Variants in VIT observed in about 807,000 individuals in gnomAD.
VIT encodes vitrin.
Under a neutral mutation model 78.0 loss-of-function variants are expected in VIT, and 99 were observed. The ratio of observed to expected loss-of-function variants is 1.27; its 90% CI spans 1.08 to 1.50. The LOEUF (loss-of-function observed/expected upper bound fraction) is 1.50, where lower values mean the gene tolerates loss of function less well. Among genes scored for constraint, VIT ranks in the 40% most tolerant of loss-of-function variants. The pLI is 0.00. For missense variants in VIT, 1,126 were observed against 875.3 expected, an observed-to-expected ratio of 1.29 and a Z score of -3.61; for synonymous variants, 374 against 334.3, an observed-to-expected ratio of 1.12 and a Z score of -1.29.
intron 4 of VIT, 145 bp downstream of exon 4, chr2:36,743,401 G>T: frequency 1.1e-6 from 1 of 941,254 alleles, no homozygotes; most frequent in Non-Finnish European, 1.5e-6. Context: ...TTTAAAAAGT[G>T]CTTTTACTGG....
chr2:36,811,703 G>A (rs537114942), intron 15 of VIT, among the ~76,000 whole-genome samples: 35 of 140,758 alleles, frequency 2.5e-4, no homozygotes, highest in South Asian at 1.6e-3. Flanking sequence ...ACGGAGTTTC[G>A]CTCTGGTTGC....
At chr2:36,700,142 G>A (rs752573554) in intron 1 of VIT, among the ~76,000 whole-genome samples, 20 of 152,056 alleles carry the variant, frequency 1.3e-4, no homozygotes, top group Non-Finnish European at 2.5e-4. Context: ...TAGATTCATG[G>A]AATTATGTGA....
intron 15 of VIT, among the ~76,000 whole-genome samples, chr2:36,812,963 G>C (rs768410295): frequency 2.1e-5 from 3 of 143,596 alleles, no homozygotes; most frequent in Non-Finnish European, 4.5e-5. Context: ...TGAGGTTCAA[G>C]TGATTCTCCT....
intron 12 of VIT, among the ~76,000 whole-genome samples, chr2:36,788,888 G>A (rs1024530816): frequency 6.6e-6 from 1 of 152,192 alleles, no homozygotes; most frequent in Non-Finnish European, 1.5e-5. Flanking sequence ...TAGTGTTGCT[G>A]ATGAGAGCAT....
chr2:36,722,434 T>C (rs1666573175), intron 2 of VIT, among the ~76,000 whole-genome samples: 1 of 152,266 alleles, frequency 6.6e-6, no homozygotes, highest in Non-Finnish European at 1.5e-5. Flanking sequence ...ATTTGAAGCA[T>C]AATTTTATGA....
intron 11 of VIT, among the ~76,000 whole-genome samples, chr2:36,785,751 G>A (rs1216155166): frequency 6.6e-6 from 1 of 152,160 alleles, no homozygotes; most frequent in Non-Finnish European, 1.5e-5. Flanking sequence ...GTGCCAGACG[G>A]GTCCCTCTCA....
chr2:36,790,921 C>T (rs201297028), intron 12 of VIT, among the ~76,000 whole-genome samples: 3 of 143,958 alleles, frequency 2.1e-5, no homozygotes, highest in Admixed American at 1.4e-4. Flanking sequence ...AACAGCCAGG[C>T]AAGCCATTAG....
At position 36,814,458 on chromosome 2, in the gene VIT, T is replaced by TGG; in HGVS notation, c.*99_*100dup. 7.1e-7 allele frequency: 1 copy of TGG among 1,416,350 alleles called. No homozygotes were observed. Among genetic ancestry groups the TGG allele is most frequent in the East Asian group, 2.3e-5 (1 of 42,926 alleles). The allele number at this position is 1,416,350 out of a possible 1,614,324, so 87.7% of individuals were successfully genotyped here. A position where few individuals can be genotyped will look rare whatever the true frequency, so the allele number is the denominator to read the frequency against. On this transcript the variant is annotated 3_prime_UTR_variant, in exon 16 of 16. Transcript: ENST00000379242. ...GGGGCACGCACGGTGCATCAAGTCT[T>TGG]GGGCAGGGCATGGAGAAACAAATGT...
intron 3 of VIT, among the ~76,000 whole-genome samples, chr2:36,741,707 C>T (rs1305051577): frequency 6.6e-6 from 1 of 152,100 alleles, no homozygotes; most frequent in East Asian, 1.9e-4. Flanking sequence ...AGACTCTTAG[C>T]ATTGGGAGAG....
At chr2:36,778,516 T>G (rs961222328) in intron 9 of VIT, among the ~76,000 whole-genome samples, 1 of 152,060 alleles carries the variant, frequency 6.6e-6, no homozygotes, top group Non-Finnish European at 1.5e-5. Flanking sequence ...AACCATGGAG[T>G]TAATGTTTCC....
chr2:36,728,136 G>T (rs1297049665), intron 2 of VIT, among the ~76,000 whole-genome samples: 2 of 151,918 alleles, frequency 1.3e-5, no homozygotes, highest in Non-Finnish European at 2.9e-5. Flanking sequence ...TCACCATGTT[G>T]GCCACACTCG....
rs1484697635 is a variant in VIT, at chr2:36,766,768, A to C, written c.488-326A>C. ...AATCAGCAAAAAACAAAAACAAAAA[A>C]AAATGTACATAAACCATTGCTAGTG... On this transcript the variant is annotated intron_variant, in intron 6 of 15. Coordinates refer to ENST00000379242, the MANE Select transcript of VIT (RefSeq NM_053276.4). Among the ~76,000 whole-genome samples, 5 of 152,372 alleles carry C rather than the reference A, an allele frequency of 3.3e-5. 1 individual carries two copies. The highest frequency in any genetic ancestry group is 4.1e-4 in the South Asian group (2 of 4,828).
In VIT at chr2:36,791,068, C is replaced by T. The variant is rs145990914; in HGVS notation, c.1058+3792C>T. ...AGTATAAATGGAACATAATTGCACA[C>T]GTTCTTTGTAATCAACCCTAGGATA... On this transcript the variant is annotated intron_variant, in intron 12 of 15. Transcript: ENST00000379242. 4.6e-3 allele frequency among the ~76,000 whole-genome samples: 708 copies of T among 152,270 alleles called. 14 individuals are homozygous for T. The East Asian group carries it at 0.054, about 12-fold the overall frequency.
chr2:36,764,623 G>A lies in VIT; in HGVS notation c.488-2471G>A, dbSNP rs576966196. On this transcript the variant is annotated intron_variant, in intron 6 of 15. Transcript: ENST00000379242. ...AAGAAACAAGGCAATTGAAAGATCG[G>A]TTTCCTACCTTGACCAGCTAATGCC... 4.6e-5 allele frequency among the ~76,000 whole-genome samples: 7 copies of A among 152,344 alleles called. No homozygotes were observed. The South Asian group carries it at 1.2e-3, about 27-fold the overall frequency.
At chr2:36,798,056 A>G (rs920345380) in intron 12 of VIT, among the ~76,000 whole-genome samples, 2 of 152,212 alleles carry the variant, frequency 1.3e-5, no homozygotes, top group Non-Finnish European at 2.9e-5. Context: ...CATTTTGACT[A>G]GAACATGGAA....
intron 2 of VIT, among the ~76,000 whole-genome samples, chr2:36,722,072 AT>A (rs1666547833): frequency 6.6e-6 from 1 of 152,258 alleles, no homozygotes; most frequent in South Asian, 2.1e-4. Context: ...TATCGGAGCC[AT>A]CCAAGGATCC....
chr2:36,716,639 GT>G (rs1235056678), intron 2 of VIT, among the ~76,000 whole-genome samples: 2 of 151,998 alleles, frequency 1.3e-5, no homozygotes, highest in African/African-American at 2.4e-5. Flanking sequence ...AGCAAATACT[GT>G]ATATATATTA....
intron 9 of VIT, among the ~76,000 whole-genome samples, chr2:36,777,829 G>A (rs1670164565): frequency 6.6e-6 from 1 of 152,180 alleles, no homozygotes; most frequent in South Asian, 2.1e-4. Context: ...TCTGGAAAAT[G>A]GATAAACGTG....
intron 1 of VIT, among the ~76,000 whole-genome samples, chr2:36,709,712 A>C (rs1235885740): frequency 6.6e-6 from 1 of 152,158 alleles, no homozygotes; most frequent in Non-Finnish European, 1.5e-5. Flanking sequence ...AATAATGTGA[A>C]TGTGAGCCAA....
Sources: allele counts gnomAD v4.1 joint callset (sites outside exome capture counted in the v4.1 genomes callset), GRCh38; gene constraint gnomAD v4.1.1; transcripts MANE v1.5; gene names NCBI Gene and HGNC (gene_info 2026-07-23, HGNC 2026-07-21).